The following AHI1 variants were observed in gnomAD, a reference collection of about 807,000 sequenced individuals.
AHI1 encodes jouberin.
AHI1 carries 123 observed loss-of-function variants against 149.3 expected under a neutral mutation model. The observed-to-expected ratio is 0.82, with a 90% CI of 0.71 to 0.96. AHI1 has a LOEUF of 0.96. Among genes scored for constraint, AHI1 ranks in the 40% least tolerant of loss-of-function variants. AHI1 has a pLI of 0.00. For missense variants in AHI1, 1,439 were observed against 1,422.7 expected (o/e 1.01, Z -0.18); for synonymous variants, 475 against 459.8 (o/e 1.03, Z -0.42).
intron 24 of AHI1, among the ~76,000 whole-genome samples, chr6:135,341,944 A>C (rs1347786207): frequency 6.6e-6 from 1 of 151,960 alleles, no homozygotes; most frequent in Non-Finnish European, 1.5e-5. Context: ...AAAAAAATTT[A>C]GAGTGGAAAT....
chr6:135,324,323 G>C (rs1008889552), intron 24 of AHI1, among the ~76,000 whole-genome samples: 3 of 151,416 alleles, frequency 2.0e-5, no homozygotes, highest in African/African-American at 7.3e-5. Flanking sequence ...GGAAGACCTT[G>C]TCTCTAAAAA....
At chr6:135,490,464 T>C in intron 5 of AHI1, 159 bp downstream of exon 5, 2 of 818,930 alleles carry the variant, frequency 2.4e-6, no homozygotes, top group South Asian at 1.7e-5. Context: ...GTGATGTTGA[T>C]TCTAATATAA....
At chr6:135,322,954 C>CA (rs1787098117) in intron 25 of AHI1, among the ~76,000 whole-genome samples, 1 of 152,206 alleles carries the variant, frequency 6.6e-6, no homozygotes, top group South Asian at 2.1e-4. Flanking sequence ...GTCCATGAAA[C>CA]AAACATTCCA....
chr6:135,370,020 C>A (rs375762304), intron 23 of AHI1, among the ~76,000 whole-genome samples: 7 of 152,212 alleles, frequency 4.6e-5, no homozygotes, highest in African/African-American at 1.4e-4. Context: ...CTGTAGGATT[C>A]CTTTTATTCA....
intron 23 of AHI1, among the ~76,000 whole-genome samples, chr6:135,373,641 A>C (rs753370762): frequency 2.0e-5 from 3 of 152,218 alleles, no homozygotes; most frequent in Non-Finnish European, 4.4e-5. Context: ...AGCTGAAAGC[A>C]TACATTTTTT....
intron 24 of AHI1, among the ~76,000 whole-genome samples, chr6:135,341,341 T>C (rs964345038): frequency 6.6e-6 from 1 of 151,790 alleles, no homozygotes; most frequent in African/African-American, 2.4e-5. Flanking sequence ...AGACAAAAAC[T>C]CACTCACTAG....
chr6:135,463,147 T>C lies in AHI1; in HGVS notation c.909A>G (p.Lys303=). 6.3e-7 allele frequency: 1 copy of C among 1,587,218 alleles called. No homozygotes were observed. The highest frequency in any genetic ancestry group is 8.6e-7 in the Non-Finnish European group (1 of 1,169,562). The part of the protein sequence containing the change: ...MQDDTKPKPK[K]TKKKTKAVAD... Reference sequence around the variant, plus strand: ...AACCTGCTTTAGTCTTCTTTTTTGTTTTTTTTGGTTTAGGTTTTGTATCAT... The same window carrying C: ...AACCTGCTTTAGTCTTCTTTTTTGTCTTTTTTGGTTTAGGTTTTGTATCAT... Residue 303 remains lysine (K), a synonymous_variant, in exon 8 of 29, where the codon AAA becomes AAG. Coordinates refer to ENST00000265602, the MANE Select transcript of AHI1 (RefSeq NM_001134831.2).
chr6:135,490,576 T>C lies in AHI1; in HGVS notation c.135+47A>G, dbSNP rs777842799. 3.7e-5 allele frequency: 60 copies of C among 1,608,356 alleles called. No homozygotes were observed. The East Asian group carries it at 1.3e-3, about 35-fold the overall frequency. On this transcript the variant is annotated intron_variant, in intron 5 of 28. Coordinates refer to ENST00000265602, the MANE Select transcript of AHI1 (RefSeq NM_001134831.2). ...ACATAAAATGCAGCCATATCTGCAT[T>C]TTATGCGCATATGTAAATCACTATT...
chr6:135,471,643 T>C (rs956419652), intron 5 of AHI1, among the ~76,000 whole-genome samples: 7 of 131,484 alleles, frequency 5.3e-5, no homozygotes, highest in African/African-American at 2.1e-4. Flanking sequence ...CCTTTGCCAA[T>C]TTTTTACCTC....
chr6:135,435,063 T>G (rs993221921), intron 15 of AHI1: 6 of 152,286 alleles, frequency 3.9e-5, no homozygotes, highest in African/African-American at 1.2e-4. Context: ...GGAGAAGACA[T>G]GGACAGAAAT....
intron 20 of AHI1, among the ~76,000 whole-genome samples, chr6:135,412,305 A>T (rs1781719749): frequency 6.6e-6 from 1 of 152,214 alleles, no homozygotes; most frequent in East Asian, 1.9e-4. Context: ...TATATGCAAA[A>T]ACTATGACAT....
intron 5 of AHI1, among the ~76,000 whole-genome samples, chr6:135,473,655 A>G (rs1487885247): frequency 6.6e-6 from 1 of 152,108 alleles, no homozygotes; most frequent in East Asian, 1.9e-4. Context: ...ATGAATATCT[A>G]TTTACTTAGG....
At position 135,490,105 on chromosome 6, in the gene AHI1, A is replaced by G; in HGVS notation, c.135+518T>C. On this transcript the variant is annotated intron_variant, in intron 5 of 28. Coordinates refer to ENST00000265602, the MANE Select transcript of AHI1 (RefSeq NM_001134831.2). ...GTTGTAGTTAGTTGCTGATTTGCTT[A>G]GTCTTTGAGCACTGTATTTTTAATT... 7.1e-6 allele frequency: 5 copies of G among 705,584 alleles called. No individual in the cohort carries two copies. The South Asian group carries it at 7.6e-5, about 11-fold the overall frequency. 43.7% of individuals were successfully genotyped at this position (705,584 alleles called of 1,614,324 possible).
Position 135,358,134 on chromosome 6 carries a change from T to C in AHI1, c.3163A>G (p.Thr1055Ala), listed in dbSNP as rs769898244. ...AACGTAGCAACAGACTGTCTTACCG[T>C]TGGTGCTGTATCTACCTGATGGTTA... Reference protein sequence around the residue: ...PCNHQVDTAPTVVALYDYTAN... With the variant: ...PCNHQVDTAPAVVALYDYTAN... Residue 1055 changes from threonine (T) to alanine (A), a missense_variant and splice_region_variant, in exon 24 of 29, where the codon ACG becomes GCG. Transcript: ENST00000265602. 3.7e-6 allele frequency: 6 copies of C among 1,612,338 alleles called. No homozygotes were observed. The highest frequency in any genetic ancestry group is 5.1e-6 in the Non-Finnish European group (6 of 1,178,934).
At chr6:135,320,182 A>G (rs1419957140) in intron 25 of AHI1, among the ~76,000 whole-genome samples, 1 of 152,162 alleles carries the variant, frequency 6.6e-6, no homozygotes, top group African/African-American at 2.4e-5. Context: ...CCCCTAATGA[A>G]GTGTGAGAGT....
Position 135,440,856 on chromosome 6 carries a change from G to C in AHI1, c.1912+1726C>G, listed in dbSNP as rs1298703280. On this transcript the variant is annotated intron_variant, in intron 14 of 28. Coordinates refer to ENST00000265602, the MANE Select transcript of AHI1 (RefSeq NM_001134831.2). Reference sequence around the variant, plus strand: ...TGGGTGGGCGTGAGGGGAGAAAGGAGGGCATCTGATTTCCAGAGTTGCCAC... The same window carrying C: ...TGGGTGGGCGTGAGGGGAGAAAGGACGGCATCTGATTTCCAGAGTTGCCAC... Among the ~76,000 whole-genome samples the C allele has an allele frequency of 2.0e-5, 3 of 152,184 alleles. No individual in the cohort carries two copies. The East Asian group carries it at 5.8e-4, about 29-fold the overall frequency.
At chr6:135,395,286 G>C (rs1187476095) in intron 22 of AHI1, among the ~76,000 whole-genome samples, 1 of 151,890 alleles carries the variant, frequency 6.6e-6, no homozygotes, top group Non-Finnish European at 1.5e-5. Flanking sequence ...GAAATAGCAA[G>C]TACTTCCTTT....
intron 5 of AHI1, among the ~76,000 whole-genome samples, chr6:135,478,307 T>C (rs1349633936): frequency 1.3e-5 from 2 of 152,138 alleles, no homozygotes; most frequent in African/African-American, 4.8e-5. Flanking sequence ...ATGACCAAAA[T>C]GCAGATACTG....
chr6:135,481,324 T>C lies in AHI1; in HGVS notation c.135+9299A>G, dbSNP rs574717587. 7.9e-5 allele frequency among the ~76,000 whole-genome samples: 12 copies of C among 152,370 alleles called. 1 individual carries two copies. Among genetic ancestry groups the C allele is most frequent in the East Asian group, 1.9e-4 (1 of 5,190 alleles). On this transcript the variant is annotated intron_variant, in intron 5 of 28. Coordinates refer to ENST00000265602, the MANE Select transcript of AHI1 (RefSeq NM_001134831.2). Reference sequence around the variant, plus strand: ...AGACAGTTGTTAAATCATTTACTTCTACAAATAAAGGTTGAATATCCCTTA... The same window carrying C: ...AGACAGTTGTTAAATCATTTACTTCCACAAATAAAGGTTGAATATCCCTTA...
Sources: allele counts gnomAD v4.1 joint callset (sites outside exome capture counted in the v4.1 genomes callset), GRCh38; gene constraint gnomAD v4.1.1; transcripts MANE v1.5; gene names NCBI Gene and HGNC (gene_info 2026-07-23, HGNC 2026-07-21).